Variants in BAALC observed in about 807,000 individuals in gnomAD.
BAALC encodes brain and acute leukemia cytoplasmic protein.
Under a neutral mutation model 15.5 loss-of-function variants are expected in BAALC, and 9 were observed. The observed-to-expected ratio is 0.58, with a 90% confidence interval of 0.35 to 1.02. The LOEUF (loss-of-function observed/expected upper bound fraction) is 1.02. Ranked by LOEUF, BAALC falls within the 50% of genes least tolerant of loss-of-function variation. The pLI is 0.02. For synonymous variants in BAALC, 80 were observed against 74.6 expected, an observed-to-expected ratio of 1.07 and a Z score of -0.37; for missense variants, 201 against 192.4, an observed-to-expected ratio of 1.04 and a Z score of -0.27.
chr8:103,183,835 C>G (rs529703809), intron 1 of BAALC, among the ~76,000 whole-genome samples: 1 of 152,292 alleles, frequency 6.6e-6, no homozygotes, highest in Non-Finnish European at 1.5e-5. Flanking sequence ...TGGGCATGGT[C>G]CCTGAAAACA....
chr8:103,148,598 G>A (rs1784568278), intron 1 of BAALC, among the ~76,000 whole-genome samples: 1 of 152,144 alleles, frequency 6.6e-6, no homozygotes, highest in Admixed American at 6.5e-5. Flanking sequence ...ACCTTATTGT[G>A]CTGTCAAATA....
At chr8:103,164,722 G>A (rs908856286) in intron 1 of BAALC, among the ~76,000 whole-genome samples, 1 of 152,086 alleles carries the variant, frequency 6.6e-6, no homozygotes, top group Admixed American at 6.5e-5. Context: ...CTTACTCATT[G>A]TACAAATCTA....
intron 2 of BAALC, among the ~76,000 whole-genome samples, chr8:103,226,060 C>T (rs1044621868): frequency 1.3e-5 from 2 of 152,230 alleles, no homozygotes; most frequent in Non-Finnish European, 2.9e-5. Flanking sequence ...GTGCATCTCT[C>T]AACACCCAGC....
intron 1 of BAALC, among the ~76,000 whole-genome samples, chr8:103,171,402 A>G (rs1413126814): frequency 6.8e-5 from 4 of 58,784 alleles, no homozygotes; most frequent in African/African-American, 1.8e-4. Context: ...GGAAGGAAGG[A>G]AAGAAAGAAA....
At chr8:103,212,001 A>G (rs1360444858) in intron 1 of BAALC, among the ~76,000 whole-genome samples, 1 of 152,154 alleles carries the variant, frequency 6.6e-6, no homozygotes, top group East Asian at 1.9e-4. Context: ...TCTCTTTCCA[A>G]TAAGATTCTG....
chr8:103,221,003 T>C (rs897565824), intron 2 of BAALC, among the ~76,000 whole-genome samples: 4 of 152,102 alleles, frequency 2.6e-5, no homozygotes, highest in African/African-American at 7.2e-5. Flanking sequence ...TATTTCCATT[T>C]GGGGGGAAAG....
At chr8:103,188,027 AT>A (rs1369314501) in intron 1 of BAALC, among the ~76,000 whole-genome samples, 6 of 152,182 alleles carry the variant, frequency 3.9e-5, no homozygotes, top group African/African-American at 1.4e-4. Context: ...TAATTTGTTA[AT>A]AAATTAGCAA....
chr8:103,149,195 T>G (rs1810932938), intron 1 of BAALC, among the ~76,000 whole-genome samples: 1 of 152,082 alleles, frequency 6.6e-6, no homozygotes, highest in African/African-American at 2.4e-5. Context: ...TGCCTTGGGC[T>G]TTTCTGAAAA....
chr8:103,226,096 G>GGT (rs1219858529), intron 2 of BAALC, among the ~76,000 whole-genome samples: 1 of 152,166 alleles, frequency 6.6e-6, no homozygotes, highest in Non-Finnish European at 1.5e-5. Context: ...TGCCTGGAGG[G>GGT]GTGTTCCCAC....
chr8:103,183,402 G>C (rs2129979920), intron 1 of BAALC: 1 of 702,990 alleles, frequency 1.4e-6, no homozygotes, highest in Non-Finnish European at 2.6e-6. Context: ...TGCCTGGAGA[G>C]ACAACAGTTT....
intron 1 of BAALC, among the ~76,000 whole-genome samples, chr8:103,196,169 C>G (rs1242536817): frequency 6.6e-6 from 1 of 152,174 alleles, no homozygotes; most frequent in African/African-American, 2.4e-5. Context: ...AGCAGGAGAG[C>G]TCACAAAGAG....
intron 1 of BAALC, among the ~76,000 whole-genome samples, chr8:103,205,568 C>A (rs1812309804): frequency 1.3e-5 from 2 of 151,842 alleles, no homozygotes; most frequent in Non-Finnish European, 2.9e-5. Context: ...CTATATATAT[C>A]TATAATATAG....
intron 1 of BAALC, among the ~76,000 whole-genome samples, chr8:103,162,262 T>A (rs1811244216): frequency 6.6e-6 from 1 of 152,182 alleles, no homozygotes; most frequent in South Asian, 2.1e-4. Context: ...ATGCCCAGCT[T>A]GGGCCTGTTC....
chr8:103,147,655 T>C (rs140906754), intron 1 of BAALC, among the ~76,000 whole-genome samples: 4 of 152,282 alleles, frequency 2.6e-5, no homozygotes, highest in East Asian at 3.9e-4. Context: ...GATAAGGCCA[T>C]TCTGCCCTTG....
chr8:103,150,156 CG>C (rs1810953509), intron 1 of BAALC, among the ~76,000 whole-genome samples: 1 of 152,114 alleles, frequency 6.6e-6, no homozygotes, highest in African/African-American at 2.4e-5. Context: ...ATAAAACCAT[CG>C]GATCTCATGA....
intron 1 of BAALC, among the ~76,000 whole-genome samples, chr8:103,162,365 A>G (rs780941221): frequency 2.0e-5 from 3 of 152,234 alleles, no homozygotes; most frequent in African/African-American, 4.8e-5. Flanking sequence ...AAAGTTGAAA[A>G]GCAAAAACCT....
At position 103,168,172 on chromosome 8, in the gene BAALC, C is replaced by A. The variant is rs1315821978; in HGVS notation, c.160+27115C>A. Reference sequence around the variant, plus strand: ...TAAAAGGCTTGCTATGAAAATCAACCCTGTTATGCATCCCACTTTATCAGT... The same window carrying A: ...TAAAAGGCTTGCTATGAAAATCAACACTGTTATGCATCCCACTTTATCAGT... On this transcript the variant is annotated intron_variant, in intron 1 of 2. Transcript: ENST00000309982. 2.0e-5 allele frequency among the ~76,000 whole-genome samples: 3 copies of A among 152,152 alleles called. No individual in the cohort carries two copies. In the South Asian group the frequency reaches 6.2e-4, roughly 31 times the overall value.
At chr8:103,159,573 C>T (rs1811176329) in intron 1 of BAALC, among the ~76,000 whole-genome samples, 1 of 152,068 alleles carries the variant, frequency 6.6e-6, no homozygotes, top group South Asian at 2.1e-4. Context: ...GGCTCATTAG[C>T]ATATTGGATG....
chr8:103,222,584 G>A (rs914781752), intron 2 of BAALC, among the ~76,000 whole-genome samples: 10 of 152,106 alleles, frequency 6.6e-5, no homozygotes, highest in African/African-American at 1.9e-4. Flanking sequence ...ACATCCTCAC[G>A]ACTGCTTTTG....
Sources: allele counts gnomAD v4.1 joint callset (sites outside exome capture counted in the v4.1 genomes callset), GRCh38; gene constraint gnomAD v4.1.1; transcripts MANE v1.5; gene names NCBI Gene and HGNC (gene_info 2026-07-23, HGNC 2026-07-21).